Variants in ME1 observed in about 807,000 individuals in gnomAD.
ME1 encodes the protein malic enzyme 1, also known as NADP-dependent malic enzyme.
A neutral mutation model predicts 66.4 loss-of-function variants in ME1; 74 were observed. The ratio of observed to expected loss-of-function variants is 1.11; its 90% CI spans 0.92 to 1.35. The LOEUF (loss-of-function observed/expected upper bound fraction) is 1.35. Among genes scored for constraint, ME1 ranks in the 40% most tolerant of loss-of-function variants. The pLI is 0.00. For missense variants in ME1, 750 were observed against 694.1 expected (o/e 1.08, Z -0.90); for synonymous variants, 251 against 235.6 (o/e 1.07, Z -0.60).
chr6:83,414,678 G>A (rs1002183696), intron 1 of ME1, among the ~76,000 whole-genome samples: 7 of 152,114 alleles, frequency 4.6e-5, no homozygotes, highest in African/African-American at 1.7e-4. Flanking sequence ...TTGGATGAGA[G>A]GTTTAAGTAT....
intron 1 of ME1, among the ~76,000 whole-genome samples, chr6:83,420,058 T>G (rs1770236126): frequency 6.6e-6 from 1 of 152,006 alleles, no homozygotes; most frequent in Non-Finnish European, 1.5e-5. Context: ...TCTTGGAATG[T>G]GTAGGTGGTA....
At chr6:83,298,931 G>GGTTTTTTTTTTTTT (rs1767655458) in intron 6 of ME1, among the ~76,000 whole-genome samples, 3 of 22,458 alleles carry the variant, frequency 1.3e-4, no homozygotes, top group Admixed American at 1.3e-3. Flanking sequence ...CTATGTGTCT[G>GGTTTTTTTTTTTTT]TTTTTTTTTT....
At chr6:83,237,694 G>C (rs770420853) in intron 9 of ME1, 23 bp downstream of exon 9, 1 of 1,393,170 alleles carries the variant, frequency 7.2e-7, no homozygotes, top group Non-Finnish European at 1.0e-6. Flanking sequence ...TCTTTATTCT[G>C]GTTAAAAATG....
chr6:83,263,224 C>T (rs1342705209), intron 6 of ME1, among the ~76,000 whole-genome samples: 1 of 152,166 alleles, frequency 6.6e-6, no homozygotes, highest in East Asian at 1.9e-4. Context: ...TGACTGGCCA[C>T]ACCCATGACT....
rs752555482 is a variant in ME1, at chr6:83,239,625, C to G, written c.826G>C (p.Val276Leu). ...FNDDIQGTAS[V>L]AVAGLLAALR... is the part of the protein sequence containing the mutation. Reference sequence around the variant, plus strand: ...GCTGCAAGGAGACCTGCAACTGCAACAGATGCTGTTCCTGAAACAAGTAAT... The same window carrying G: ...GCTGCAAGGAGACCTGCAACTGCAAGAGATGCTGTTCCTGAAACAAGTAAT... The change falls in exon 8 of 14, where the codon GTT (valine) becomes CTT (leucine). Residue 276 changes from valine to leucine, a missense_variant. Val to Leu is a conservative substitution (Grantham distance 32). Transcript: ENST00000369705. 1.2e-6 allele frequency: 2 copies of G among 1,611,738 alleles called. No individual in the cohort carries two copies. The highest frequency in any genetic ancestry group is 1.3e-5 in the African/African-American group (1 of 74,884).
At chr6:83,369,414 G>A (rs562247438) in intron 3 of ME1, among the ~76,000 whole-genome samples, 12 of 152,150 alleles carry the variant, frequency 7.9e-5, no homozygotes, top group African/African-American at 2.9e-4. Context: ...CCAAGTCAAT[G>A]ACCTTATTTT....
chr6:83,238,038 CTTGA>C (rs1288039823), intron 8 of ME1, among the ~76,000 whole-genome samples: 1 of 152,108 alleles, frequency 6.6e-6, no homozygotes, highest in Non-Finnish European at 1.5e-5. Flanking sequence ...TGGTGATATC[CTTGA>C]TTGTCAGTGT....
At chr6:83,393,967 A>G (rs1304515035) in intron 3 of ME1, among the ~76,000 whole-genome samples, 1 of 152,072 alleles carries the variant, frequency 6.6e-6, no homozygotes, top group Non-Finnish European at 1.5e-5. Flanking sequence ...ATCTACAAGG[A>G]AAATAGTATG....
intron 6 of ME1, among the ~76,000 whole-genome samples, chr6:83,310,478 G>A (rs913398359): frequency 2.0e-5 from 3 of 152,136 alleles, no homozygotes; most frequent in Non-Finnish European, 4.4e-5. Flanking sequence ...ATTTCCGAAT[G>A]TGCCTCCCAG....
At chr6:83,233,374 G>C (rs576353550) in intron 9 of ME1, among the ~76,000 whole-genome samples, 5 of 152,124 alleles carry the variant, frequency 3.3e-5, no homozygotes, top group Admixed American at 3.3e-4. Context: ...AAAGATATTT[G>C]AGTATGATCC....
chr6:83,379,396 C>T (rs1380574198), intron 3 of ME1, among the ~76,000 whole-genome samples: 3 of 152,032 alleles, frequency 2.0e-5, no homozygotes, highest in African/African-American at 7.2e-5. Flanking sequence ...TAAATTATCA[C>T]TTAGATTTAA....
rs769745935 is a variant in ME1, at chr6:83,407,802, T to A, written c.178A>T (p.Lys60Ter). 3.1e-6 allele frequency: 5 copies of A among 1,609,054 alleles called. No homozygotes were observed. In the South Asian group the frequency reaches 3.3e-5, roughly 11 times the overall value. Residue 60 changes from lysine to a stop codon, truncating the protein, a stop_gained, in exon 2 of 14, where the codon AAA becomes TAA. Transcript: ENST00000369705. LOFTEE classifies it high-confidence loss of function. ...SQEIQVLRVV[K>*]NFEHLNSDFD... ...TCAGAGTTCAGATGCTCGAAATTTT[T>A]TACTACTCTAAGAACCTGGATCTCC...
intron 5 of ME1, among the ~76,000 whole-genome samples, chr6:83,322,176 A>G (rs1300446025): frequency 1.3e-5 from 2 of 152,240 alleles, no homozygotes; most frequent in African/African-American, 4.8e-5. Context: ...CCAAAGGTAG[A>G]TAAATCCATG....
intron 6 of ME1, among the ~76,000 whole-genome samples, chr6:83,261,029 A>C (rs978737772): frequency 3.9e-5 from 6 of 152,104 alleles, no homozygotes; most frequent in African/African-American, 1.4e-4. Flanking sequence ...TCTTTGAGGA[A>C]TCTCCATACT....
At chr6:83,281,588 T>C (rs900717907) in intron 6 of ME1, among the ~76,000 whole-genome samples, 7 of 151,660 alleles carry the variant, frequency 4.6e-5, no homozygotes, top group African/African-American at 1.7e-4. Flanking sequence ...GGCCCATCAC[T>C]TGAGGTCGGG....
chr6:83,427,125 C>T (rs183011104), intron 1 of ME1, among the ~76,000 whole-genome samples: 115 of 152,050 alleles, frequency 7.6e-4, no homozygotes, highest in Non-Finnish European at 9.6e-4. Context: ...TATATAAAAC[C>T]GGCAAAGATA....
At chr6:83,388,881 C>A (rs1212777696) in intron 3 of ME1, among the ~76,000 whole-genome samples, 1 of 151,992 alleles carries the variant, frequency 6.6e-6, no homozygotes, top group African/African-American at 2.4e-5. Flanking sequence ...TTTGGGAGGC[C>A]AAGATGGATG....
At chr6:83,225,834 A>G (rs1347071999) in intron 11 of ME1, among the ~76,000 whole-genome samples, 2 of 140,606 alleles carry the variant, frequency 1.4e-5, no homozygotes, top group Non-Finnish European at 3.0e-5. Flanking sequence ...ATATATATAT[A>G]TATCTCCCCC....
At chr6:83,216,106 G>A (rs979014613) in intron 13 of ME1, among the ~76,000 whole-genome samples, 1 of 152,178 alleles carries the variant, frequency 6.6e-6, no homozygotes, top group African/African-American at 2.4e-5. Flanking sequence ...ACATGGATAT[G>A]GAAGGTGGTT....
Sources: gnomAD v4.1 joint callset for allele counts (sites outside exome capture counted in the v4.1 genomes callset) on GRCh38, gnomAD v4.1.1 for gene constraint, MANE v1.5 for transcripts, NCBI Gene and HGNC (gene_info 2026-07-23, HGNC 2026-07-21) for gene names.